Variants in P2RY6 observed in about 807,000 individuals in gnomAD.
P2RY6 encodes the protein P2Y purinoceptor 6.
In P2RY6, 19 loss-of-function variants were observed where a neutral mutation model predicts 16.3. That is an observed-to-expected ratio of 1.16 (90% CI 0.81 to 1.71). The LOEUF (loss-of-function observed/expected upper bound fraction) is 1.71. Ranked by LOEUF, P2RY6 falls within the 40% of genes most tolerant of loss-of-function variation. The pLI is 0.00. For synonymous variants in P2RY6, 184 were observed against 201.5 expected, an observed-to-expected ratio of 0.91 and a Z score of 0.74; for missense variants, 389 against 455.5, an observed-to-expected ratio of 0.85 and a Z score of 1.33.
At chr11:73,282,767 A>AGGAG (rs112572922) in intron 1 of P2RY6, among the ~76,000 whole-genome samples, 3,176 of 152,064 alleles carry the variant, frequency 0.021, 118 homozygotes, top group African/African-American at 0.071. Flanking sequence ...GAATGAATGG[A>AGGAG]GGAGGGAGGG....
chr11:73,277,516 T>G (rs1471414306), intron 1 of P2RY6, among the ~76,000 whole-genome samples: 1 of 152,240 alleles, frequency 6.6e-6, no homozygotes, highest in African/African-American at 2.4e-5. Context: ...TCATAGATGC[T>G]GGCAGAAGAC....
intron 1 of P2RY6, among the ~76,000 whole-genome samples, chr11:73,273,848 T>G (rs1418182770): frequency 6.6e-6 from 1 of 152,164 alleles, no homozygotes; most frequent in Non-Finnish European, 1.5e-5. Context: ...GGATTTTTAT[T>G]TTTTTTAAGA....
intron 1 of P2RY6, among the ~76,000 whole-genome samples, chr11:73,283,366 C>T (rs748025137): frequency 2.0e-5 from 3 of 152,180 alleles, no homozygotes; most frequent in Non-Finnish European, 4.4e-5. Context: ...CAGTCACCTC[C>T]CTAATCCCCT....
At chr11:73,290,329 A>C (rs1864170760) in intron 1 of P2RY6, among the ~76,000 whole-genome samples, 1 of 150,412 alleles carries the variant, frequency 6.6e-6, no homozygotes, top group Non-Finnish European at 1.5e-5. Context: ...GAAAGAAAGA[A>C]AGAAAGAAAG....
intron 1 of P2RY6, among the ~76,000 whole-genome samples, chr11:73,280,093 A>T (rs1218750405): frequency 6.6e-6 from 1 of 152,198 alleles, no homozygotes; most frequent in Non-Finnish European, 1.5e-5. Context: ...TTGGGTCAGA[A>T]CAGTAGAGGG....
In P2RY6 at chr11:73,296,674, C is replaced by A. The variant is rs780416106; in HGVS notation, c.156C>A (p.Cys52Ter). Residue 52 changes from cysteine to a stop codon, truncating the protein, a stop_gained, in exon 3 of 3, where the codon TGC becomes TGA. Coordinates refer to ENST00000540124, the MANE Select transcript of P2RY6 (RefSeq NM_001277204.2). LOFTEE classifies it high-confidence loss of function. ...PLNICVITQI[C>*]TSRRALTRTA... is the part of the protein sequence containing the mutation. ...ACATCTGTGTCATTACCCAGATCTG[C>A]ACGTCCCGCCGGGCCCTGACCCGCA... 1.2e-6 allele frequency: 2 copies of A among 1,614,176 alleles called. No homozygotes were observed. Among genetic ancestry groups the A allele is most frequent in the Non-Finnish European group, 1.7e-6 (2 of 1,180,032 alleles).
intron 1 of P2RY6, among the ~76,000 whole-genome samples, chr11:73,273,277 G>A (rs952491839): frequency 1.3e-5 from 2 of 152,038 alleles, no homozygotes; most frequent in African/African-American, 4.8e-5. Flanking sequence ...AGATATTTGG[G>A]ACTCTCATCT....
chr11:73,288,264 G>A (rs151002720), intron 1 of P2RY6, among the ~76,000 whole-genome samples: 15 of 152,326 alleles, frequency 9.8e-5, no homozygotes, highest in African/African-American at 2.9e-4. Flanking sequence ...ACATAGTGGG[G>A]TCTTGGGAGA....
At chr11:73,284,626 C>T (rs1005656112) in intron 1 of P2RY6, among the ~76,000 whole-genome samples, 12 of 152,336 alleles carry the variant, frequency 7.9e-5, no homozygotes, top group African/African-American at 2.6e-4. Context: ...TGCTCCCAAT[C>T]CCCAATAAAC....
chr11:73,278,550 A>G (rs1419384093), intron 1 of P2RY6, among the ~76,000 whole-genome samples: 1 of 152,020 alleles, frequency 6.6e-6, no homozygotes, highest in Non-Finnish European at 1.5e-5. Context: ...GCCCCTGGCA[A>G]CCCCCACTCT....
intron 1 of P2RY6, among the ~76,000 whole-genome samples, chr11:73,273,496 G>A (rs1358661530): frequency 6.6e-6 from 1 of 152,030 alleles, no homozygotes; most frequent in Non-Finnish European, 1.5e-5. Flanking sequence ...CTGGGTGGGT[G>A]GAACTCTACA....
chr11:73,266,707 G>A (rs1321420451), intron 1 of P2RY6, among the ~76,000 whole-genome samples: 3 of 152,220 alleles, frequency 2.0e-5, no homozygotes, highest in African/African-American at 4.8e-5. Context: ...GCAGTGTTGG[G>A]AGCTGTGGAA....
intron 1 of P2RY6, among the ~76,000 whole-genome samples, chr11:73,285,960 G>T (rs1863955552): frequency 6.6e-6 from 1 of 152,210 alleles, no homozygotes; most frequent in Admixed American, 6.5e-5. Context: ...ACTAGGGACA[G>T]ATCTTGGGGC....
intron 1 of P2RY6, among the ~76,000 whole-genome samples, chr11:73,280,470 C>A (rs141684680): frequency 3.9e-5 from 6 of 152,192 alleles, no homozygotes; most frequent in Admixed American, 6.5e-5. Flanking sequence ...ACAGACTCTG[C>A]CTTTTGCCTC....
upstream of P2RY6, among the ~76,000 whole-genome samples, chr11:73,268,135 G>A (rs146315354): frequency 1.5e-3 from 234 of 152,376 alleles, no homozygotes; most frequent in Non-Finnish European, 2.9e-3. Context: ...ATGTGGAGCT[G>A]TTTCCGGGGC....
intron 1 of P2RY6, among the ~76,000 whole-genome samples, chr11:73,287,957 A>G (rs1276399244): frequency 6.6e-6 from 1 of 152,134 alleles, no homozygotes; most frequent in Non-Finnish European, 1.5e-5. Flanking sequence ...CCTCTGTGCT[A>G]TCCACACAGT....
intron 1 of P2RY6, among the ~76,000 whole-genome samples, chr11:73,278,317 G>A (rs1045256988): frequency 4.6e-5 from 7 of 151,918 alleles, no homozygotes; most frequent in African/African-American, 1.7e-4. Flanking sequence ...ACACCACCAC[G>A]GCCAGCTAAT....
chr11:73,291,994 TG>T (rs1864270799), intron 1 of P2RY6, among the ~76,000 whole-genome samples: 1 of 152,212 alleles, frequency 6.6e-6, no homozygotes, highest in Non-Finnish European at 1.5e-5. Context: ...GTCGCCCTCT[TG>T]GAATGCTGCT....
intron 1 of P2RY6, among the ~76,000 whole-genome samples, chr11:73,279,043 C>CT (rs766418768): frequency 9.7e-4 from 134 of 137,644 alleles, no homozygotes; most frequent in East Asian, 1.2e-3. Flanking sequence ...CTAGGTTGGC[C>CT]TTTTTTTTTT....
Sources: allele counts gnomAD v4.1 joint callset (sites outside exome capture counted in the v4.1 genomes callset), GRCh38; gene constraint gnomAD v4.1.1; transcripts MANE v1.5; gene names NCBI Gene and HGNC (gene_info 2026-07-23, HGNC 2026-07-21).